The following POU6F2 variants were observed in gnomAD, a reference collection of about 807,000 sequenced individuals.
The protein encoded by POU6F2 is POU class 6 homeobox 2, also known as POU domain, class 6, transcription factor 2.
In POU6F2, 31 loss-of-function variants were observed where a neutral mutation model predicts 71.3. That is an observed-to-expected ratio of 0.43 (90% CI 0.33 to 0.59). The LOEUF (loss-of-function observed/expected upper bound fraction) is 0.59, where lower values mean the gene tolerates loss of function less well. Among genes scored for constraint, POU6F2 ranks in the 20% least tolerant of loss-of-function variants. The pLI is 0.04. For synonymous variants in POU6F2, 347 were observed against 355.7 expected, an observed-to-expected ratio of 0.98 and a Z score of 0.27; for missense variants, 783 against 856.8, an observed-to-expected ratio of 0.91 and a Z score of 1.07.
chr7:39,042,517 C>T (rs1219282460), intron 1 of POU6F2, among the ~76,000 whole-genome samples: 4 of 151,960 alleles, frequency 2.6e-5, no homozygotes, highest in Admixed American at 2.6e-4. Context: ...GTGAACAGAG[C>T]CCTGCTGCCA....
chr7:39,281,077 C>T lies in POU6F2; in HGVS notation c.599-58565C>T, dbSNP rs12112084. On this transcript the variant is annotated intron_variant, in intron 4 of 9. Transcript: ENST00000518318. ...AGAGAATACAAGACATATGAAAACA[C>T]GTTCATTTAGAAATCATGCCATTTT... Among the ~76,000 whole-genome samples the T allele has an allele frequency of 6.7e-3, 1,025 of 152,082 alleles. 7 individuals are homozygous for T. The highest frequency in any genetic ancestry group is 0.028 in the South Asian group (134 of 4,818).
At chr7:39,367,648 G>A (rs1231862652) in intron 5 of POU6F2, among the ~76,000 whole-genome samples, 1 of 152,098 alleles carries the variant, frequency 6.6e-6, no homozygotes, top group African/African-American at 2.4e-5. Context: ...TCTCATACAG[G>A]CATACCTCGT....
At position 39,466,199 on chromosome 7, in the gene POU6F2, A is replaced by C. The variant is rs1458112257; in HGVS notation, c.*1513A>C. ...CTTCAGGGGAAAGGAAGTTTGAAGA[A>C]GCTTTCACCAAAAGAAAAAAATATA... On this transcript the variant is annotated 3_prime_UTR_variant, in exon 10 of 10. Transcript: ENST00000518318. 6.6e-6 allele frequency: 1 copy of C among 152,264 alleles called. No individual in the cohort carries two copies. The highest frequency in any genetic ancestry group is 2.1e-4 in the South Asian group (1 of 4,838). The allele number at this position is 152,264 out of a possible 1,614,324, so 9.4% of individuals were successfully genotyped here.
chr7:39,318,220 C>T (rs917999534), intron 4 of POU6F2, among the ~76,000 whole-genome samples: 1 of 152,124 alleles, frequency 6.6e-6, no homozygotes, highest in Non-Finnish European at 1.5e-5. Context: ...TTTAGGCACC[C>T]AGCACAGTGC....
At chr7:38,983,178 T>A (rs767757315) in intron 1 of POU6F2, among the ~76,000 whole-genome samples, 18 of 152,190 alleles carry the variant, frequency 1.2e-4, no homozygotes, top group South Asian at 4.1e-4. Context: ...GAAGAAACAA[T>A]GTGCAAAAAG....
chr7:38,996,802 C>T (rs1788752289), intron 1 of POU6F2, among the ~76,000 whole-genome samples: 2 of 152,172 alleles, frequency 1.3e-5, no homozygotes, highest in African/African-American at 4.8e-5. Context: ...TCTTGACTTG[C>T]TTATATCCGC....
chr7:39,456,867 T>A (rs1788819167), intron 8 of POU6F2, among the ~76,000 whole-genome samples: 1 of 152,196 alleles, frequency 6.6e-6, no homozygotes, highest in South Asian at 2.1e-4. Context: ...GTGGAAACTG[T>A]CAGAGGAAGA....
intron 1 of POU6F2, among the ~76,000 whole-genome samples, chr7:38,985,992 G>A (rs1171874522): frequency 1.3e-5 from 2 of 151,904 alleles, no homozygotes; most frequent in African/African-American, 2.4e-5. Context: ...TCCTAGTGAC[G>A]AAAGAATTTA....
chr7:39,015,185 A>G (rs1365788581), intron 1 of POU6F2, among the ~76,000 whole-genome samples: 1 of 148,992 alleles, frequency 6.7e-6, no homozygotes, highest in Non-Finnish European at 1.5e-5. Context: ...TTAAAAAAAG[A>G]TGGCTATTAA....
chr7:39,215,660 G>A (rs1271289423), intron 4 of POU6F2, among the ~76,000 whole-genome samples: 2 of 152,142 alleles, frequency 1.3e-5, no homozygotes, highest in African/African-American at 4.8e-5. Context: ...GCACATATAC[G>A]CTACTGGGGG....
chr7:39,221,856 G>A (rs766955446), intron 4 of POU6F2, among the ~76,000 whole-genome samples: 12 of 152,080 alleles, frequency 7.9e-5, no homozygotes, highest in Non-Finnish European at 1.5e-4. Context: ...CCCTCTGTAT[G>A]TTATTCATTA....
chr7:39,161,578 A>G (rs1792998483), intron 2 of POU6F2, among the ~76,000 whole-genome samples: 1 of 152,176 alleles, frequency 6.6e-6, no homozygotes, highest in Non-Finnish European at 1.5e-5. Flanking sequence ...GATTTGCTCA[A>G]GGTAGCTGAC....
intron 2 of POU6F2, among the ~76,000 whole-genome samples, chr7:39,175,580 G>T (rs1156864815): frequency 6.6e-6 from 1 of 152,024 alleles, no homozygotes; most frequent in African/African-American, 2.4e-5. Context: ...AAAATCAGAA[G>T]AAAAATTAAT....
intron 5 of POU6F2, among the ~76,000 whole-genome samples, chr7:39,367,396 T>C (rs556878794): frequency 4.6e-5 from 7 of 152,300 alleles, no homozygotes; most frequent in African/African-American, 1.4e-4. Context: ...AATATCAGAA[T>C]AGCACAGGAA....
Position 39,254,253 on chromosome 7 carries a change from T to C in POU6F2, c.598+46633T>C, listed in dbSNP as rs1783976324. Among the ~76,000 whole-genome samples the C allele has an allele frequency of 2.0e-5, 3 of 152,204 alleles. No individual in the cohort carries two copies. The South Asian group carries it at 6.2e-4, about 32-fold the overall frequency. On this transcript the variant is annotated intron_variant, in intron 4 of 9. Transcript: ENST00000518318. ...CCAATGACAGTGAGATTTGCCTCTT[T>C]CTTATTTTTTTGTTTAAACATTCGC... is the stretch of plus-strand genomic sequence containing the variant.
intron 1 of POU6F2, among the ~76,000 whole-genome samples, chr7:39,079,312 C>T (rs572768121): frequency 5.6e-4 from 85 of 151,768 alleles, no homozygotes; most frequent in African/African-American, 1.9e-3. Flanking sequence ...CCTTAGCCTC[C>T]CGAGTAGCTG....
At chr7:39,103,355 A>C (rs1791614710) in intron 2 of POU6F2, among the ~76,000 whole-genome samples, 1 of 151,870 alleles carries the variant, frequency 6.6e-6, no homozygotes, top group South Asian at 2.1e-4. Flanking sequence ...TTGGCAAATG[A>C]CTCCTCTCCC....
intron 1 of POU6F2, among the ~76,000 whole-genome samples, chr7:39,014,600 T>C (rs145975840): frequency 9.8e-5 from 15 of 152,346 alleles, no homozygotes; most frequent in African/African-American, 3.4e-4. Context: ...TGTGGAATCT[T>C]ATGGATTCAG....
chr7:38,982,155 G>A (rs1033570453), intron 1 of POU6F2, among the ~76,000 whole-genome samples: 6 of 151,728 alleles, frequency 4.0e-5, no homozygotes, highest in Non-Finnish European at 8.8e-5. Flanking sequence ...GAAACACTGG[G>A]GCTAACCTAA....
Sources: gnomAD v4.1 joint callset for allele counts (sites outside exome capture counted in the v4.1 genomes callset) on GRCh38, gnomAD v4.1.1 for gene constraint, MANE v1.5 for transcripts, NCBI Gene and HGNC (gene_info 2026-07-23, HGNC 2026-07-21) for gene names.